Variants in CAGE1 observed in about 807,000 individuals in gnomAD.
CAGE1 encodes cancer-associated gene 1 protein.
In CAGE1, 66 loss-of-function variants were observed where a neutral mutation model predicts 94.9. That is an observed-to-expected ratio of 0.70 (90% CI 0.57 to 0.85). The LOEUF (loss-of-function observed/expected upper bound fraction) is 0.85. Ranked by LOEUF, CAGE1 falls within the 40% of genes least tolerant of loss-of-function variation. CAGE1 has a pLI of 0.00. For missense variants in CAGE1, 865 were observed against 950.4 expected, an observed-to-expected ratio of 0.91 and a Z score of 1.18; for synonymous variants, 319 against 321.0, an observed-to-expected ratio of 0.99 and a Z score of 0.07.
chr6:7,340,915 A>G, intron 11 of CAGE1: 1 of 418,598 alleles, frequency 2.4e-6, no homozygotes. Context: ...TCGTCTGCAA[A>G]GATGAGGTGG....
At chr6:7,332,219 C>A (rs1202262974) in intron 12 of CAGE1, among the ~76,000 whole-genome samples, 1 of 152,208 alleles carries the variant, frequency 6.6e-6, no homozygotes, top group Non-Finnish European at 1.5e-5. Context: ...CACAGGACAG[C>A]TCATACTTGG....
chr6:7,332,018 A>G (rs1561845359), intron 12 of CAGE1, among the ~76,000 whole-genome samples: 1 of 152,184 alleles, frequency 6.6e-6, no homozygotes, highest in Non-Finnish European at 1.5e-5. Flanking sequence ...TGTGAGGCAT[A>G]AACAGTCTCA....
In CAGE1 at chr6:7,365,545, T is replaced by C. The variant is rs1195765717; in HGVS notation, c.2116A>G (p.Ser706Gly). 2 of 1,611,440 alleles carry C rather than the reference T, an allele frequency of 1.2e-6. No homozygotes were observed. The highest frequency in any genetic ancestry group is 1.3e-5 in the African/African-American group (1 of 74,882). The change falls in exon 9 of 14, where the codon AGT (serine) becomes GGT (glycine). Residue 706 changes from serine (S) to glycine (G), a missense_variant. Coordinates refer to ENST00000502583, the MANE Select transcript of CAGE1 (RefSeq NM_001170692.2). Reference protein sequence around the residue: ...VIDCDSDEAKSIRDVPTLLGA... With the variant: ...VIDCDSDEAKGIRDVPTLLGA... ...AGAAGGGTAGGTACATCTCTGATACTCTTGGCTTCATCTGAATCACAGTCT... is the reference window on the plus strand; with the variant it reads ...AGAAGGGTAGGTACATCTCTGATACCCTTGGCTTCATCTGAATCACAGTCT...
intron 11 of CAGE1, among the ~76,000 whole-genome samples, chr6:7,345,275 G>C (rs573765210): frequency 3.3e-5 from 5 of 152,196 alleles, no homozygotes. Flanking sequence ...CTTAAGAGTT[G>C]CAGCACTGAC....
intron 11 of CAGE1, among the ~76,000 whole-genome samples, chr6:7,338,479 TTCTG>T (rs1309727573): frequency 6.6e-6 from 1 of 152,216 alleles, no homozygotes; most frequent in Admixed American, 6.5e-5. Flanking sequence ...CAAACGGTTT[TTCTG>T]TCTATCGAAA....
chr6:7,372,999 G>T, intron 5 of CAGE1, 74 bp downstream of exon 5: 2 of 1,045,980 alleles, frequency 1.9e-6, no homozygotes, highest in Non-Finnish European at 2.8e-6. Context: ...TAAGTGCCAC[G>T]TCTAAATACG....
intron 3 of CAGE1, among the ~76,000 whole-genome samples, chr6:7,385,534 G>A (rs562485160): frequency 2.0e-5 from 3 of 152,232 alleles, no homozygotes; most frequent in East Asian, 1.9e-4. Flanking sequence ...ACTTGATCAC[G>A]GCTCATTCAT....
intron 7 of CAGE1, among the ~76,000 whole-genome samples, chr6:7,367,959 G>A (rs975833985): frequency 2.0e-5 from 3 of 152,120 alleles, no homozygotes; most frequent in African/African-American, 7.2e-5. Flanking sequence ...TTGAGGCCGG[G>A]TGCAGTGGCT....
At position 7,344,649 on chromosome 6, in the gene CAGE1, C is replaced by T. The variant is rs552731407; in HGVS notation, c.2369+10392G>A. Among the ~76,000 whole-genome samples the T allele has an allele frequency of 1.7e-3, 257 of 152,330 alleles. 1 individual carries two copies. The highest frequency in any genetic ancestry group is 5.4e-3 in the African/African-American group (224 of 41,572). The stretch of plus-strand genomic sequence containing the variant: ...GCAGCTCCACCTGCAGCCCCGGTGC[C>T]GGATCCACTGGGTGAAGCCAGCTGA... On this transcript the variant is annotated intron_variant, in intron 11 of 13. Coordinates refer to ENST00000502583, the MANE Select transcript of CAGE1 (RefSeq NM_001170692.2).
At chr6:7,360,895 C>T (rs1039064463) in intron 9 of CAGE1, among the ~76,000 whole-genome samples, 3 of 151,964 alleles carry the variant, frequency 2.0e-5, no homozygotes, top group East Asian at 1.9e-4. Flanking sequence ...TGCAGTGAGC[C>T]GAGATCACGC....
chr6:7,385,064 G>C (rs1475322497), intron 3 of CAGE1, among the ~76,000 whole-genome samples: 1 of 151,990 alleles, frequency 6.6e-6, no homozygotes, highest in Non-Finnish European at 1.5e-5. Context: ...GGAGCGCAAT[G>C]GTGCAATCTC....
chr6:7,360,120 A>G (rs1477167135), intron 9 of CAGE1, among the ~76,000 whole-genome samples: 10 of 152,174 alleles, frequency 6.6e-5, no homozygotes, highest in Non-Finnish European at 2.9e-5. Flanking sequence ...TCCCTCTGAC[A>G]TGTCTGGGAA....
chr6:7,363,842 TATG>T (rs1434293493), intron 9 of CAGE1, among the ~76,000 whole-genome samples: 2 of 152,250 alleles, frequency 1.3e-5, no homozygotes, highest in African/African-American at 4.8e-5. Flanking sequence ...TAGCAGCCAT[TATG>T]ATAACTGCTT....
At chr6:7,359,808 C>T (rs1189100975) in intron 9 of CAGE1, among the ~76,000 whole-genome samples, 3 of 152,172 alleles carry the variant, frequency 2.0e-5, no homozygotes, top group Non-Finnish European at 4.4e-5. Flanking sequence ...AAATCCAAAT[C>T]ACTAAAAAAC....
Position 7,326,749 on chromosome 6 carries a change from T to C in CAGE1, c.*109A>G. ...TTGGAATGTAAGACTTTACCCTTTA[T>C]ACAGATTTTAATATATCATCTGCAT... On this transcript the variant is annotated 3_prime_UTR_variant, in exon 14 of 14. Transcript: ENST00000502583. 2 of 800,602 alleles carry C rather than the reference T, an allele frequency of 2.5e-6. No homozygotes were observed. The highest frequency in any genetic ancestry group is 4.3e-6 in the Non-Finnish European group (2 of 463,712). The allele number at this position is 800,602 out of a possible 1,614,324, so 49.6% of individuals were successfully genotyped here. A position where few individuals can be genotyped will look rare whatever the true frequency, so the allele number is the denominator to read the frequency against.
intron 11 of CAGE1, chr6:7,347,515 T>TGGGGGGGGGGGGGGGG: frequency 6.5e-5 from 1 of 15,370 alleles, no homozygotes; most frequent in Admixed American, 6.1e-4. Context: ...GGGGGGGGGG[T>TGGGGGGGGGGGGGGGG]TGGGGGGGGC....
In CAGE1 at chr6:7,387,146, A is replaced by G. The variant is rs115342469; in HGVS notation, c.28T>C (p.Ser10Pro). 5.0e-4 allele frequency: 771 copies of G among 1,551,412 alleles called. 4 individuals are homozygous for G. The African/African-American group carries it at 9.3e-3, about 19-fold the overall frequency. ...AAATGTACAGGATCTGAAGGTGATG[A>G]CCAAAATTTTTGATAGTCCTTGTTC... MNKDYQKFW[S>P]SPSDPVHFEV... The change falls in exon 2 of 14, where the codon TCA (serine) becomes CCA (proline). Residue 10 changes from serine to proline, a missense_variant. By Grantham distance (74) the Ser-to-Pro change is moderately conservative. Transcript: ENST00000502583.
chr6:7,343,003 A>G (rs1759244448), intron 11 of CAGE1, among the ~76,000 whole-genome samples: 1 of 152,112 alleles, frequency 6.6e-6, no homozygotes, highest in Non-Finnish European at 1.5e-5. Flanking sequence ...CCTGGCCAAC[A>G]TAGTGAAACC....
rs1447523389 is a variant in CAGE1, at chr6:7,389,533, T to TTA, written c.-356_-355insTA. On this transcript the variant is annotated 5_prime_UTR_variant, in exon 1 of 14. Transcript: ENST00000502583. The stretch of plus-strand genomic sequence containing the variant: ...GTGGGTGCGGTGTCTTCCCAGAGAG[T>TTA]GGTGAAGTTAGGAAGGTACGACCCC... The TTA allele has an allele frequency of 2.9e-6, 1 of 345,590 alleles. No individual in the cohort carries two copies. Among genetic ancestry groups the TTA allele is most frequent in the Non-Finnish European group, 5.8e-6 (1 of 173,614 alleles). 21.4% of individuals were successfully genotyped at this position (345,590 alleles called of 1,614,324 possible). A position where few individuals can be genotyped will look rare whatever the true frequency, so the allele number is the denominator to read the frequency against.
Sources: gnomAD v4.1 joint callset for allele counts (sites outside exome capture counted in the v4.1 genomes callset) on GRCh38, gnomAD v4.1.1 for gene constraint, MANE v1.5 for transcripts, NCBI Gene and HGNC (gene_info 2026-07-23, HGNC 2026-07-21) for gene names.